The following DGKB variants were observed in gnomAD, a reference collection of about 807,000 sequenced individuals.
DGKB encodes 90 kDa diacylglycerol kinase.
DGKB carries 67 observed loss-of-function variants against 114.3 expected under a neutral mutation model. That is an observed-to-expected ratio of 0.59 (90% CI 0.48 to 0.72). The LOEUF (loss-of-function observed/expected upper bound fraction) is 0.72. DGKB is among the 30% of genes least tolerant of loss of function. The pLI is 0.00. For missense variants in DGKB, 907 were observed against 975.2 expected, an observed-to-expected ratio of 0.93 and a Z score of 0.93; for synonymous variants, 398 against 323.1, an observed-to-expected ratio of 1.23 and a Z score of -2.49.
At chr7:14,358,699 A>T (rs962749738) in intron 21 of DGKB, among the ~76,000 whole-genome samples, 4 of 152,166 alleles carry the variant, frequency 2.6e-5, no homozygotes, top group African/African-American at 9.7e-5. Context: ...ACTCCCATTA[A>T]CAATTGCTAC....
rs879352747 is a variant in DGKB, at chr7:14,660,994, T to A, written c.1134+11935A>T. 5.5e-3 allele frequency among the ~76,000 whole-genome samples: 814 copies of A among 148,534 alleles called. 6 individuals carry two copies. The highest frequency in any genetic ancestry group is 7.1e-3 in the Admixed American group (105 of 14,702). ...AATAAATGGTGCTGGGAAAACTGGC[T>A]AGCCATATTTAGAAAGCTGAAACTG... On this transcript the variant is annotated intron_variant, in intron 13 of 25. Coordinates refer to ENST00000402815, the MANE Select transcript of DGKB (RefSeq NM_001350709.2).
intron 21 of DGKB, among the ~76,000 whole-genome samples, chr7:14,372,672 A>G (rs181381415): frequency 9.1e-4 from 138 of 152,104 alleles, no homozygotes; most frequent in African/African-American, 3.3e-3. Context: ...TACTAAATAT[A>G]AATTATATTT....
chr7:14,775,603 T>C (rs1231249034), intron 2 of DGKB, among the ~76,000 whole-genome samples: 1 of 151,870 alleles, frequency 6.6e-6, no homozygotes, highest in African/African-American at 2.4e-5. Flanking sequence ...AGTGGGTGAG[T>C]TCTCATGAGA....
At chr7:14,793,782 G>A (rs187213333) in intron 2 of DGKB, among the ~76,000 whole-genome samples, 39 of 152,056 alleles carry the variant, frequency 2.6e-4, no homozygotes, top group South Asian at 6.2e-4. Flanking sequence ...CAGATTAAGC[G>A]TTATTTTTGG....
At chr7:14,472,258 C>A (rs143548496) in intron 21 of DGKB, among the ~76,000 whole-genome samples, 85 of 152,252 alleles carry the variant, frequency 5.6e-4, no homozygotes, top group African/African-American at 2.0e-3. Flanking sequence ...GTAACTGAAT[C>A]ATGGAGGCAG....
intron 25 of DGKB, among the ~76,000 whole-genome samples, chr7:14,167,396 C>A (rs544396880): frequency 1.3e-5 from 2 of 151,854 alleles, no homozygotes; most frequent in Admixed American, 6.6e-5. Context: ...TATCACAGAA[C>A]CCTGGAGGCA....
chr7:14,319,390 A>G (rs1356919031), intron 23 of DGKB, among the ~76,000 whole-genome samples: 1 of 152,186 alleles, frequency 6.6e-6, no homozygotes, highest in Non-Finnish European at 1.5e-5. Context: ...AAAGCAATAC[A>G]GTGCCACTCT....
intron 1 of DGKB, among the ~76,000 whole-genome samples, chr7:14,953,004 T>A (rs1786292621): frequency 6.6e-6 from 1 of 151,992 alleles, no homozygotes; most frequent in Non-Finnish European, 1.5e-5. Flanking sequence ...CAATTGAACA[T>A]GCAAAAGTAT....
intron 21 of DGKB, among the ~76,000 whole-genome samples, chr7:14,361,671 C>G (rs1248649316): frequency 1.3e-5 from 2 of 151,898 alleles, no homozygotes; most frequent in East Asian, 3.9e-4. Context: ...GAAACATCCC[C>G]TCTCTTTTTC....
chr7:14,727,198 A>G (rs570932795), intron 5 of DGKB, among the ~76,000 whole-genome samples: 35 of 152,326 alleles, frequency 2.3e-4, no homozygotes, highest in African/African-American at 7.2e-4. Context: ...AATAAATCTA[A>G]TAATAAAGTA....
At chr7:14,790,929 C>A (rs1055885163) in intron 2 of DGKB, among the ~76,000 whole-genome samples, 1 of 152,236 alleles carries the variant, frequency 6.6e-6, no homozygotes, top group South Asian at 2.1e-4. Context: ...TTTAGACTCC[C>A]AACCATGAAT....
intron 23 of DGKB, chr7:14,192,082 T>G: frequency 2.4e-6 from 1 of 419,110 alleles, no homozygotes; most frequent in South Asian, 1.8e-5. Flanking sequence ...ATCAAAGCAG[T>G]GGACAGGAAG....
chr7:14,858,056 A>T (rs972401488), intron 1 of DGKB, among the ~76,000 whole-genome samples: 1 of 152,184 alleles, frequency 6.6e-6, no homozygotes, highest in Non-Finnish European at 1.5e-5. Flanking sequence ...AGTCACATAT[A>T]ACAGCATTTT....
chr7:14,646,327 A>AT (rs1158292368), intron 13 of DGKB, among the ~76,000 whole-genome samples: 1 of 152,200 alleles, frequency 6.6e-6, no homozygotes, highest in Non-Finnish European at 1.5e-5. Flanking sequence ...GGATATAACA[A>AT]TTATAGAAAA....
chr7:14,884,470 G>A (rs1248798008), intron 1 of DGKB, among the ~76,000 whole-genome samples: 1 of 151,896 alleles, frequency 6.6e-6, no homozygotes, highest in African/African-American at 2.4e-5. Context: ...ACCTTGGAAG[G>A]TTTTCACACA....
At chr7:14,328,430 G>C (rs1349791755) in intron 23 of DGKB, among the ~76,000 whole-genome samples, 1 of 151,896 alleles carries the variant, frequency 6.6e-6, no homozygotes, top group Non-Finnish European at 1.5e-5. Context: ...AGTTAGCTTT[G>C]ACATGTTTAA....
chr7:14,907,033 G>A (rs2128242050), upstream of DGKB, among the ~76,000 whole-genome samples: 1 of 152,196 alleles, frequency 6.6e-6, no homozygotes, highest in Non-Finnish European at 1.5e-5. Flanking sequence ...TTAATCATGA[G>A]AGGATAGCTA....
intron 23 of DGKB, among the ~76,000 whole-genome samples, chr7:14,221,433 G>A (rs943670733): frequency 6.6e-6 from 1 of 151,268 alleles, no homozygotes; most frequent in Non-Finnish European, 1.5e-5. Context: ...AGTTGATCAT[G>A]TGATTTTTGG....
At chr7:14,842,045 A>G (rs960885841) in intron 1 of DGKB, among the ~76,000 whole-genome samples, 1 of 152,226 alleles carries the variant, frequency 6.6e-6, no homozygotes, top group African/African-American at 2.4e-5. Context: ...TCATGGACCT[A>G]CATTCACTGG....
Sources: gnomAD v4.1 joint callset for allele counts (sites outside exome capture counted in the v4.1 genomes callset) on GRCh38, gnomAD v4.1.1 for gene constraint, MANE v1.5 for transcripts, NCBI Gene and HGNC (gene_info 2026-07-23, HGNC 2026-07-21) for gene names.